PPP2R2C: variants seen among roughly 807,000 people sequenced by gnomAD.
PPP2R2C encodes the protein protein phosphatase 2 regulatory subunit Bgamma.
PPP2R2C carries 10 observed loss-of-function variants against 45.3 expected under a neutral mutation model. The ratio of observed to expected loss-of-function variants is 0.22; its 90% CI spans 0.14 to 0.37. The LOEUF is 0.37. PPP2R2C is among the 10% of genes least tolerant of loss of function. PPP2R2C has a pLI of 1.00. For synonymous variants in PPP2R2C, 257 were observed against 245.4 expected (o/e 1.05, Z -0.44); for missense variants, 308 against 619.7 (o/e 0.50, Z 5.34).
In PPP2R2C at chr4:6,378,914, C is replaced by T. The variant is rs1444314615; in HGVS notation, c.169-342G>A. On this transcript the variant is annotated intron_variant, in intron 2 of 8. Transcript: ENST00000382599. The surrounding 1 kb of genome is among the most constrained non-coding windows in gnomAD (Gnocchi z 5.2). ...CCAGGCCTCCTCTGCTTGAGCACCA[C>T]GACTCTCCCCATTTCACAGACCAGC... is the stretch of plus-strand genomic sequence containing the variant. 2.6e-5 allele frequency among the ~76,000 whole-genome samples: 4 copies of T among 151,630 alleles called. No individual in the cohort carries two copies. Among genetic ancestry groups the T allele is most frequent in the Admixed American group, 6.6e-5 (1 of 15,216 alleles).
intron 1 of PPP2R2C, among the ~76,000 whole-genome samples, chr4:6,431,703 C>T (rs1465802469): frequency 6.6e-6 from 1 of 152,196 alleles, no homozygotes; most frequent in African/African-American, 2.4e-5. Context: ...CGGGGCCTGC[C>T]TCTGGGGAGC....
Position 6,482,618 on chromosome 4 carries a change from C to T in PPP2R2C, c.49+52653G>A, listed in dbSNP as rs113576836. On this transcript the variant is annotated intron_variant, in intron 2 of 9. Transcript: ENST00000506140. ...GTCCAGCAATTTTGTTGAACTGTCA[C>T]ATGCTTCTAATAGTTTGAGAGCAGA... 4.2e-3 allele frequency among the ~76,000 whole-genome samples: 639 copies of T among 152,350 alleles called. 4 individuals are homozygous for T. Among genetic ancestry groups the T allele is most frequent in the African/African-American group, 0.014 (596 of 41,572 alleles).
rs143060113 is a variant in PPP2R2C, at chr4:6,411,540, C to T, written c.71-30446G>A. Among the ~76,000 whole-genome samples, 422 of 151,144 alleles carry T rather than the reference C, an allele frequency of 2.8e-3. 1 individual carries two copies. Among genetic ancestry groups the T allele is most frequent in the African/African-American group, 9.6e-3 (395 of 41,094 alleles). ...CTCTAATTTGTGTCTGTACTCCACC[C>T]TGACTTTTCATTTCTTTTTTTTTTT... On this transcript the variant is annotated intron_variant, in intron 1 of 8. Transcript: ENST00000382599.
At chr4:6,401,585 C>A (rs1403447467) in intron 1 of PPP2R2C, among the ~76,000 whole-genome samples, 1 of 152,164 alleles carries the variant, frequency 6.6e-6, no homozygotes, top group Non-Finnish European at 1.5e-5. Flanking sequence ...CAAGACCTAA[C>A]CTCTGGAGCA....
chr4:6,549,513 G>A (rs1218372750), intron 1 of PPP2R2C, among the ~76,000 whole-genome samples: 4 of 152,202 alleles, frequency 2.6e-5, no homozygotes, highest in Admixed American at 1.3e-4. Flanking sequence ...GGAGTGAAAT[G>A]CCCCTCACCT....
chr4:6,499,389 C>T (rs190086332), intron 2 of PPP2R2C, among the ~76,000 whole-genome samples: 173 of 152,338 alleles, frequency 1.1e-3, no homozygotes, highest in Non-Finnish European at 3.8e-4. Flanking sequence ...CTCCCTTCGG[C>T]TGCATGAGTC....
At chr4:6,464,271 C>T (rs1721479792) in intron 1 of PPP2R2C, among the ~76,000 whole-genome samples, 1 of 152,202 alleles carries the variant, frequency 6.6e-6, no homozygotes, top group South Asian at 2.1e-4. Flanking sequence ...CTAAAGTCCA[C>T]TTGGATCATT....
At chr4:6,391,854 GT>G (rs1560509519) in intron 1 of PPP2R2C, among the ~76,000 whole-genome samples, 1 of 152,194 alleles carries the variant, frequency 6.6e-6, no homozygotes, top group Admixed American at 6.5e-5. Context: ...AAAGACCTGC[GT>G]TTGAATCCCA....
chr4:6,409,863 C>T (rs1026635391), intron 1 of PPP2R2C, among the ~76,000 whole-genome samples: 2 of 152,186 alleles, frequency 1.3e-5, no homozygotes. Context: ...CCCAGACTTT[C>T]CCCTCTGCCT....
At position 6,331,673 on chromosome 4, in the gene PPP2R2C, G is replaced by A. The variant is rs923727722; in HGVS notation, c.960+1889C>T. On this transcript the variant is annotated intron_variant, in intron 7 of 8. Coordinates refer to ENST00000382599, the MANE Select transcript of PPP2R2C (RefSeq NM_020416.4). The surrounding 1 kb of genome is among the most constrained non-coding windows in gnomAD (Gnocchi z 5.9). Reference sequence around the variant, plus strand: ...CTGGAATGTAGGCAAAGTGCTTGGAGGTGTGGCAGCCACTTTGCCACCATG... The same window carrying A: ...CTGGAATGTAGGCAAAGTGCTTGGAAGTGTGGCAGCCACTTTGCCACCATG... Among the ~76,000 whole-genome samples the A allele has an allele frequency of 3.3e-5, 5 of 152,120 alleles. No homozygotes were observed. The highest frequency in any genetic ancestry group is 1.2e-4 in the African/African-American group (5 of 41,398).
At chr4:6,432,666 G>C (rs1719685782) in intron 1 of PPP2R2C, among the ~76,000 whole-genome samples, 1 of 152,160 alleles carries the variant, frequency 6.6e-6, no homozygotes, top group African/African-American at 2.4e-5. Flanking sequence ...TTCTATTTCT[G>C]TACATAACAT....
At chr4:6,441,288 C>A (rs1305404985) in intron 1 of PPP2R2C, among the ~76,000 whole-genome samples, 1 of 152,174 alleles carries the variant, frequency 6.6e-6, no homozygotes, top group African/African-American at 2.4e-5. Flanking sequence ...TCCCTTCAAG[C>A]CCCTCCACAC....
intron 2 of PPP2R2C, among the ~76,000 whole-genome samples, chr4:6,512,260 G>T (rs1490541213): frequency 3.0e-5 from 3 of 99,454 alleles, no homozygotes; most frequent in African/African-American, 1.2e-4. Flanking sequence ...GGTGATGGTG[G>T]TGGTGGTGAT....
chr4:6,391,882 G>A lies in PPP2R2C; in HGVS notation c.71-10788C>T, dbSNP rs1273851153. On this transcript the variant is annotated intron_variant, in intron 1 of 8. Transcript: ENST00000382599. ...TGAATCCCACCCTGACCAGCTGTGT[G>A]ACCTTGGGCAAAGCCCTTCACACCT... Among the ~76,000 whole-genome samples the A allele has an allele frequency of 4.6e-5, 7 of 152,228 alleles. No individual in the cohort carries two copies. In the East Asian group the frequency reaches 1.2e-3, roughly 25 times the overall value.
At chr4:6,338,418 C>A (rs936656616) in intron 6 of PPP2R2C, among the ~76,000 whole-genome samples, 1 of 152,224 alleles carries the variant, frequency 6.6e-6, no homozygotes, top group African/African-American at 2.4e-5. Flanking sequence ...CTGGCTCAGG[C>A]CAAGGTGGAG....
intron 1 of PPP2R2C, among the ~76,000 whole-genome samples, chr4:6,457,853 G>A (rs1721126258): frequency 6.6e-6 from 1 of 152,174 alleles, no homozygotes; most frequent in Non-Finnish European, 1.5e-5. Flanking sequence ...CCCTTTCTAT[G>A]CTTTGCAGAA....
intron 1 of PPP2R2C, among the ~76,000 whole-genome samples, chr4:6,449,674 C>T (rs192920899): frequency 3.1e-4 from 47 of 152,334 alleles, no homozygotes; most frequent in Non-Finnish European, 2.9e-5. Context: ...GCACCAGGTC[C>T]CCCAGGCAGT....
chr4:6,493,540 C>T (rs761074153), intron 2 of PPP2R2C, among the ~76,000 whole-genome samples: 15 of 151,350 alleles, frequency 9.9e-5, no homozygotes, highest in Non-Finnish European at 7.4e-5. Context: ...TGACACACTC[C>T]GTACATCTGG....
At chr4:6,403,571 C>G (rs746927669) in intron 1 of PPP2R2C, among the ~76,000 whole-genome samples, 4 of 152,144 alleles carry the variant, frequency 2.6e-5, no homozygotes, top group African/African-American at 7.2e-5. Flanking sequence ...GAGCTTGGAA[C>G]CTTTCCACTG....
Sources: gnomAD v4.1 joint callset for allele counts (sites outside exome capture counted in the v4.1 genomes callset) on GRCh38, gnomAD v4.1.1 for gene constraint, Gnocchi (gnomAD v3.1) non-coding constraint, MANE v1.5 for transcripts, NCBI Gene and HGNC (gene_info 2026-07-23, HGNC 2026-07-21) for gene names.